Variants in KCNMB2 observed in about 807,000 individuals in gnomAD.
KCNMB2 encodes the protein potassium calcium-activated channel subfamily M regulatory beta subunit 2, also known as calcium-activated potassium channel subunit beta-2.
In KCNMB2, 9 loss-of-function variants were observed where a neutral mutation model predicts 24.5. That is an observed-to-expected ratio of 0.37 (90% CI 0.22 to 0.64). The LOEUF (loss-of-function observed/expected upper bound fraction) is 0.64, where lower values mean the gene tolerates loss of function less well. Among genes scored for constraint, KCNMB2 ranks in the 30% least tolerant of loss-of-function variants. The pLI is 0.63. For missense variants in KCNMB2, 226 were observed against 284.3 expected, an observed-to-expected ratio of 0.79 and a Z score of 1.47; for synonymous variants, 109 against 104.4, an observed-to-expected ratio of 1.04 and a Z score of -0.27.
At chr3:178,771,528 C>T (rs192339873) in intron 1 of KCNMB2, among the ~76,000 whole-genome samples, 17 of 125,984 alleles carry the variant, frequency 1.3e-4, no homozygotes, top group African/African-American at 2.9e-4. Context: ...GTCACCCAGG[C>T]GGGAGTACGG....
chr3:178,656,184 A>G (rs552892145), intron 1 of KCNMB2, among the ~76,000 whole-genome samples: 3 of 152,336 alleles, frequency 2.0e-5, no homozygotes, highest in African/African-American at 7.2e-5. Context: ...GAAAATGTAT[A>G]TTTAATTTCT....
At chr3:178,809,003 A>G (rs1714085118) in intron 2 of KCNMB2, among the ~76,000 whole-genome samples, 2 of 152,196 alleles carry the variant, frequency 1.3e-5, no homozygotes, top group Non-Finnish European at 2.9e-5. Context: ...CTGAAAATTT[A>G]CTTTACTTGA....
chr3:178,742,104 T>C (rs553711507), intron 1 of KCNMB2, among the ~76,000 whole-genome samples: 3 of 152,340 alleles, frequency 2.0e-5, no homozygotes, highest in South Asian at 2.1e-4. Flanking sequence ...AACGATAGCA[T>C]TGAAAGTCAT....
chr3:178,743,190 A>G (rs1183215898), intron 1 of KCNMB2, among the ~76,000 whole-genome samples: 2 of 152,162 alleles, frequency 1.3e-5, no homozygotes, highest in African/African-American at 2.4e-5. Context: ...CTTGTCACAC[A>G]TCCTCTCCCC....
intron 4 of KCNMB2, among the ~76,000 whole-genome samples, chr3:178,842,345 T>C (rs1219214643): frequency 6.6e-6 from 1 of 152,190 alleles, no homozygotes; most frequent in East Asian, 1.9e-4. Context: ...CTGGGAATCA[T>C]TTAATTTATT....
At chr3:178,616,292 GAGATAT>G (rs1718704112) in intron 1 of KCNMB2, among the ~76,000 whole-genome samples, 1 of 152,320 alleles carries the variant, frequency 6.6e-6, no homozygotes, top group Non-Finnish European at 1.5e-5. Flanking sequence ...AGTTTACTTG[GAGATAT>G]AGAGTGCTGT....
intron 1 of KCNMB2, among the ~76,000 whole-genome samples, chr3:178,699,141 G>C (rs949849210): frequency 2.6e-5 from 4 of 152,256 alleles, no homozygotes; most frequent in Admixed American, 6.5e-5. Flanking sequence ...ACTAGAAGTG[G>C]TGTTGGCTTG....
At chr3:178,691,106 TC>T (rs1397974922) in intron 1 of KCNMB2, among the ~76,000 whole-genome samples, 47 of 118,408 alleles carry the variant, frequency 4.0e-4, no homozygotes, top group Admixed American at 1.4e-3. Context: ...CCCCATTAAG[TC>T]TTTTTTTTTT....
chr3:178,732,565 G>A (rs1402949100), intron 1 of KCNMB2, among the ~76,000 whole-genome samples: 2 of 152,096 alleles, frequency 1.3e-5, no homozygotes, highest in Non-Finnish European at 2.9e-5. Context: ...GCATAGTACT[G>A]AAGTGCTGTC....
At chr3:178,803,224 A>C (rs890844534) in intron 1 of KCNMB2, among the ~76,000 whole-genome samples, 1 of 152,242 alleles carries the variant, frequency 6.6e-6, no homozygotes, top group African/African-American at 2.4e-5. Flanking sequence ...GCAAACAAAC[A>C]AATGGCCCCA....
intron 1 of KCNMB2, among the ~76,000 whole-genome samples, chr3:178,745,190 G>A (rs1459546731): frequency 1.3e-5 from 2 of 152,060 alleles, no homozygotes; most frequent in East Asian, 3.9e-4. Flanking sequence ...TACCCAAGAC[G>A]GGGCAATTTA....
At chr3:178,825,205 TA>T (rs1553782261) in intron 2 of KCNMB2, among the ~76,000 whole-genome samples, 1 of 152,242 alleles carries the variant, frequency 6.6e-6, no homozygotes, top group Non-Finnish European at 1.5e-5. Context: ...CAAAATTATC[TA>T]AAAATCAATA....
intron 1 of KCNMB2, among the ~76,000 whole-genome samples, chr3:178,696,564 G>A (rs1559978153): frequency 6.6e-6 from 1 of 151,966 alleles, no homozygotes; most frequent in Non-Finnish European, 1.5e-5. Flanking sequence ...TGGATTCTTT[G>A]ATACTTTGAA....
At chr3:178,637,926 C>T (rs1719586891) in intron 1 of KCNMB2, among the ~76,000 whole-genome samples, 1 of 152,130 alleles carries the variant, frequency 6.6e-6, no homozygotes, top group Admixed American at 6.5e-5. Context: ...TCTAATACTT[C>T]TGTTTTTATT....
chr3:178,757,196 AAC>A (rs1382874752), intron 1 of KCNMB2: 16 of 148,742 alleles, frequency 1.1e-4, no homozygotes, highest in African/African-American at 3.4e-4. Flanking sequence ...AAAAAAAAAA[AAC>A]AGTTACAATC....
intron 1 of KCNMB2, among the ~76,000 whole-genome samples, chr3:178,554,692 C>A (rs567545240): frequency 6.6e-6 from 1 of 152,236 alleles, no homozygotes; most frequent in Non-Finnish European, 1.5e-5. Flanking sequence ...TGCATTATTT[C>A]TATGAAATAA....
intron 1 of KCNMB2, among the ~76,000 whole-genome samples, chr3:178,759,768 CCAAGAGGATATATCTATAT>C (rs1711661085): frequency 6.5e-5 from 1 of 15,406 alleles, no homozygotes; most frequent in Non-Finnish European, 1.1e-4. Context: ...ATATATATAT[CCAAGAGGATATATCTATAT>C]ATATATATAT....
At chr3:178,790,951 A>G (rs1225963817) in intron 1 of KCNMB2, among the ~76,000 whole-genome samples, 1 of 152,210 alleles carries the variant, frequency 6.6e-6, no homozygotes, top group Non-Finnish European at 1.5e-5. Flanking sequence ...AAAGTTTTAG[A>G]TCACAACACT....
At chr3:178,833,056 T>C (rs1715100774) in intron 4 of KCNMB2, among the ~76,000 whole-genome samples, 2 of 22,948 alleles carry the variant, frequency 8.7e-5, no homozygotes, top group East Asian at 3.3e-4. Flanking sequence ...TTCCAAAAAT[T>C]ATTTCCACTT....
Sources: allele counts gnomAD v4.1 joint callset (sites outside exome capture counted in the v4.1 genomes callset), GRCh38; gene constraint gnomAD v4.1.1; transcripts MANE v1.5; gene names NCBI Gene and HGNC (gene_info 2026-07-23, HGNC 2026-07-21).